The following DLEU7 variants were observed in gnomAD, a reference collection of about 807,000 sequenced individuals.
DLEU7 encodes leukemia-associated protein 7.
In DLEU7, 17 loss-of-function variants were observed where a neutral mutation model predicts 16.0. The ratio of observed to expected loss-of-function variants is 1.06; its 90% confidence interval spans 0.73 to 1.59. DLEU7 has a LOEUF of 1.59. Ranked by LOEUF, DLEU7 falls within the 40% of genes most tolerant of loss-of-function variation. The pLI is 0.00. For missense variants in DLEU7, 308 were observed against 314.9 expected (o/e 0.98, Z 0.17); for synonymous variants, 113 against 139.8 (o/e 0.81, Z 1.35).
intron 1 of DLEU7, among the ~76,000 whole-genome samples, chr13:50,733,018 ACG>A (rs1042296847): frequency 2.4e-4 from 37 of 152,194 alleles, no homozygotes; most frequent in African/African-American, 8.7e-4. Flanking sequence ...TGGTTATCAA[ACG>A]CACACGCATG....
At chr13:50,721,701 T>G (rs965906100) in intron 1 of DLEU7, among the ~76,000 whole-genome samples, 7 of 152,060 alleles carry the variant, frequency 4.6e-5, no homozygotes, top group African/African-American at 1.7e-4. Flanking sequence ...AACTCAAGCA[T>G]CAAGTAACTG....
chr13:50,739,979 ATG>A (rs200933660), intron 1 of DLEU7, among the ~76,000 whole-genome samples: 2,975 of 152,188 alleles, frequency 0.02, 62 homozygotes, highest in Middle Eastern at 0.051. Context: ...TAGAGAGAGA[ATG>A]TGTAGAGAGT....
chr13:50,790,917 A>C (rs964030725), intron 1 of DLEU7, among the ~76,000 whole-genome samples: 4 of 152,172 alleles, frequency 2.6e-5, no homozygotes, highest in Admixed American at 2.0e-4. Flanking sequence ...AAGCTGAATA[A>C]GCTCACTTCG....
At chr13:50,837,717 T>C (rs1169714074) in intron 1 of DLEU7, among the ~76,000 whole-genome samples, 10 of 152,204 alleles carry the variant, frequency 6.6e-5, no homozygotes, top group African/African-American at 2.2e-4. Flanking sequence ...AGGAAGACAT[T>C]GATGATGAGT....
chr13:50,746,904 C>T (rs1291686836), intron 1 of DLEU7, among the ~76,000 whole-genome samples: 3 of 152,120 alleles, frequency 2.0e-5, no homozygotes, highest in Non-Finnish European at 2.9e-5. Context: ...TCTCCGCATA[C>T]ATACATACAT....
At chr13:50,803,283 G>A (rs910870859) in intron 1 of DLEU7, among the ~76,000 whole-genome samples, 1 of 152,134 alleles carries the variant, frequency 6.6e-6, no homozygotes, top group Non-Finnish European at 1.5e-5. Context: ...GTTATAGAAT[G>A]TGTTGATCAT....
intron 1 of DLEU7, among the ~76,000 whole-genome samples, chr13:50,781,964 G>A (rs1875659865): frequency 6.6e-6 from 1 of 152,168 alleles, no homozygotes; most frequent in Non-Finnish European, 1.5e-5. Context: ...TGAACATTTA[G>A]TATGTCCTTC....
intron 1 of DLEU7, among the ~76,000 whole-genome samples, chr13:50,810,391 G>T (rs1202373927): frequency 2.0e-5 from 3 of 151,932 alleles, no homozygotes; most frequent in African/African-American, 4.8e-5. Context: ...ACAAAGAAAG[G>T]TCATCTAAAC....
intron 1 of DLEU7, among the ~76,000 whole-genome samples, chr13:50,841,662 G>A (rs1402972141): frequency 2.0e-5 from 3 of 151,078 alleles, no homozygotes; most frequent in Non-Finnish European, 4.4e-5. Context: ...CCCAGGGCTC[G>A]AGGCTGTAGT....
chr13:50,761,788 GTATTCAATTATGC>G, intron 1 of DLEU7, among the ~76,000 whole-genome samples: 1 of 152,118 alleles, frequency 6.6e-6, no homozygotes, highest in Admixed American at 6.5e-5. Flanking sequence ...AAATCAAAAA[GTATTCAATTATGC>G]CTCTTAAATG....
chr13:50,724,479 T>C (rs751649436), intron 1 of DLEU7, among the ~76,000 whole-genome samples: 4 of 152,010 alleles, frequency 2.6e-5, no homozygotes, highest in Non-Finnish European at 4.4e-5. Flanking sequence ...ATATCACAGC[T>C]CCTCTTCCTC....
At chr13:50,839,396 T>G (rs1877575144) in intron 1 of DLEU7, among the ~76,000 whole-genome samples, 1 of 152,258 alleles carries the variant, frequency 6.6e-6, no homozygotes, top group South Asian at 2.1e-4. Flanking sequence ...GGTGTTTGCA[T>G]GTGTATGATC....
chr13:50,840,672 A>G (rs1177905563), intron 1 of DLEU7, among the ~76,000 whole-genome samples: 1 of 152,096 alleles, frequency 6.6e-6, no homozygotes, highest in Non-Finnish European at 1.5e-5. Flanking sequence ...ATGGACCAAG[A>G]GGGTCAGCAA....
chr13:50,806,976 CAAA>C (rs556761618), intron 1 of DLEU7, among the ~76,000 whole-genome samples: 1 of 54,188 alleles, frequency 1.8e-5, no homozygotes, highest in East Asian at 5.1e-4. Flanking sequence ...GACTCCCTCT[CAAA>C]AAAAAAAAAA....
chr13:50,824,166 T>G (rs7327734), intron 1 of DLEU7, among the ~76,000 whole-genome samples: 85,662 of 152,000 alleles, frequency 0.56, 24,341 homozygotes, highest in African/African-American at 0.63. Flanking sequence ...GTTATTTAAT[T>G]GACATGGTCT....
intron 1 of DLEU7, among the ~76,000 whole-genome samples, chr13:50,765,034 C>T (rs1373328383): frequency 6.6e-6 from 1 of 152,150 alleles, no homozygotes; most frequent in African/African-American, 2.4e-5. Context: ...AGGCACGCAC[C>T]ATCATGCCTG....
chr13:50,820,710 T>C (rs1284411877), downstream of DLEU7, among the ~76,000 whole-genome samples: 1 of 152,070 alleles, frequency 6.6e-6, no homozygotes, highest in Admixed American at 6.6e-5. Flanking sequence ...CAGTGAATTA[T>C]CTAGTGGATT....
chr13:50,814,678 TACACACACAC>T (rs59737244), intron 1 of DLEU7, among the ~76,000 whole-genome samples: 188 of 140,214 alleles, frequency 1.3e-3, no homozygotes, highest in African/African-American at 4.1e-3. Flanking sequence ...TACATAGAAC[TACACACACAC>T]ACACACACAC....
intron 1 of DLEU7, among the ~76,000 whole-genome samples, chr13:50,781,344 G>T (rs1355287830): frequency 6.6e-6 from 1 of 152,188 alleles, no homozygotes; most frequent in Non-Finnish European, 1.5e-5. Flanking sequence ...GAGAAATGCT[G>T]TCATCACATG....
Sources: gnomAD v4.1 joint callset for allele counts (sites outside exome capture counted in the v4.1 genomes callset) on GRCh38, gnomAD v4.1.1 for gene constraint, MANE v1.5 for transcripts, NCBI Gene and HGNC (gene_info 2026-07-23, HGNC 2026-07-21) for gene names.